Variants in TMEM74B observed in about 807,000 individuals in gnomAD.
TMEM74B encodes transmembrane protein 74B.
Under a neutral mutation model 6.5 loss-of-function variants are expected in TMEM74B, and 7 were observed. That is an observed-to-expected ratio of 1.07 (90% confidence interval 0.61 to 2.01). TMEM74B has a LOEUF of 2.01. TMEM74B is among the 30% of genes most tolerant of loss of function. The probability of loss-of-function intolerance (pLI) is 0.00; values close to 1 mark genes in which losing one functional copy is unlikely to be tolerated. For missense variants in TMEM74B, 342 were observed against 337.0 expected, an observed-to-expected ratio of 1.01 and a Z score of -0.12; for synonymous variants, 151 against 151.6, an observed-to-expected ratio of 1.00 and a Z score of 0.03.
upstream of TMEM74B, among the ~76,000 whole-genome samples, chr20:1,187,437 A>C (rs2087035743): frequency 6.6e-6 from 1 of 152,212 alleles, no homozygotes; most frequent in Admixed American, 6.5e-5. Context: ...ATTATATACT[A>C]GTTAGCTAGG....
At chr20:1,183,979 G>A in intron 1 of TMEM74B, 31 bp from the exon 2 acceptor site, 1 of 632,894 alleles carries the variant, frequency 1.6e-6, no homozygotes, top group Non-Finnish European at 2.7e-6. Flanking sequence ...AAAAAGAGAT[G>A]TGTTTGTTGG....
chr20:1,183,877 C>A lies in TMEM74B; in HGVS notation c.-76G>T, dbSNP rs916334046. ...TTTTATCCAGCTGTTTATCAGCAACCGTGAGCACCTTGAGAGCAGGCATAA... is the reference window on the plus strand; with the variant it reads ...TTTTATCCAGCTGTTTATCAGCAACAGTGAGCACCTTGAGAGCAGGCATAA... On this transcript the variant is annotated 5_prime_UTR_variant, in exon 2 of 3. Transcript: ENST00000429036. 4.5e-6 allele frequency: 7 copies of A among 1,571,664 alleles called. No individual in the cohort carries two copies. Among genetic ancestry groups the A allele is most frequent in the Middle Eastern group, 1.7e-4 (1 of 5,980 alleles).
At chr20:1,183,008 C>A (rs1372101894) in intron 2 of TMEM74B, among the ~76,000 whole-genome samples, 4 of 152,190 alleles carry the variant, frequency 2.6e-5, no homozygotes, top group Non-Finnish European at 2.9e-5. Flanking sequence ...GGCTCTTAGG[C>A]AGATCTAGCC....
At chr20:1,185,220 G>A (rs560786346), upstream of TMEM74B, 1 of 151,710 alleles carries the variant, frequency 6.6e-6, no homozygotes, top group South Asian at 2.1e-4. Context: ...GTCCTCTCCG[G>A]TGCCCGTCCG....
In TMEM74B at chr20:1,181,459, G is replaced by T. The variant is rs774492967; in HGVS notation, c.160C>A (p.Pro54Thr). The T allele has an allele frequency of 4.0e-6, 6 of 1,514,006 alleles. No homozygotes were observed. In the African/African-American group the frequency reaches 8.4e-5, roughly 21 times the overall value. 93.8% of individuals were successfully genotyped at this position (1,514,006 alleles called of 1,614,324 possible). The change falls in exon 3 of 3, where the codon CCA becomes ACA. Residue 54 changes from proline (P) to threonine (T), a missense_variant. Physicochemically the swap from Pro to Thr is conservative, Grantham distance 38. Coordinates refer to ENST00000429036, the MANE Select transcript of TMEM74B (RefSeq NM_001304748.2). The surrounding 1 kb of genome is among the most constrained non-coding windows in gnomAD (Gnocchi z 4.9). Reference sequence around the variant, plus strand: ...GCATTCTCCACACCCTCCCTGGTTGGGGCCACTGGGCCCAGGGGAGCTGAT... The same window carrying T: ...GCATTCTCCACACCCTCCCTGGTTGTGGCCACTGGGCCCAGGGGAGCTGAT... The part of the protein sequence containing the change: ...RRSAPLGPVA[P>T]TREGVENACF...
Position 1,181,058 on chromosome 20 carries a change from G to A in TMEM74B, c.561C>T (p.Gly187=), listed in dbSNP as rs780392857. Residue 187 remains glycine, a synonymous_variant, in exon 3 of 3, where the codon GGC becomes GGT. Coordinates refer to ENST00000429036, the MANE Select transcript of TMEM74B (RefSeq NM_001304748.2). This position sits in a 1 kb window ranked among gnomAD's most constrained non-coding sequence, Gnocchi z 4.9. The stretch of plus-strand genomic sequence containing the variant: ...TGAGCAGCACCGACAAGAGCATGCC[G>A]CCCACCGTGAGCAGCCCGAGGCCTG... ...IIAGLGLLTV[G]GMLLSVLLMV... 7 of 1,613,298 alleles carry A rather than the reference G, an allele frequency of 4.3e-6. No individual in the cohort carries two copies. The highest frequency in any genetic ancestry group is 1.7e-5 in the Admixed American group (1 of 59,970).
rs1568493619 is a variant in TMEM74B at position 1,181,217 on chromosome 20, A to G, written c.402T>C (p.Ile134=). ...TGGCGTATGCTGTCACCACCAGAAGAATCCCACTCACCAGGAAAACGAGGG... is the reference window on the plus strand; with the variant it reads ...TGGCGTATGCTGTCACCACCAGAAGGATCCCACTCACCAGGAAAACGAGGG... ...VSALVFLVSG[I]LLVVTAYAIP... Residue 134 remains isoleucine (I), a synonymous_variant, in exon 3 of 3, where the codon ATT becomes ATC. Transcript: ENST00000429036. The surrounding 1 kb of genome is among the most constrained non-coding windows in gnomAD (Gnocchi z 4.9). 1.2e-6 allele frequency: 2 copies of G among 1,614,086 alleles called. No individual in the cohort carries two copies. Among genetic ancestry groups the G allele is most frequent in the Admixed American group, 1.7e-5 (1 of 60,026 alleles).
In TMEM74B at chr20:1,181,060, C is replaced by G. The variant is rs545474901; in HGVS notation, c.559G>C (p.Gly187Arg). 14 of 1,613,498 alleles carry G rather than the reference C, an allele frequency of 8.7e-6. No homozygotes were observed. Among genetic ancestry groups the G allele is most frequent in the African/African-American group, 1.3e-5 (1 of 74,904 alleles). The stretch of plus-strand genomic sequence containing the variant: ...AGCAGCACCGACAAGAGCATGCCGC[C>G]CACCGTGAGCAGCCCGAGGCCTGCG... The part of the protein sequence containing the change: ...IIAGLGLLTV[G>R]GMLLSVLLMV... Residue 187 changes from glycine (G) to arginine (R), a missense_variant, in exon 3 of 3, where the codon GGC becomes CGC. Physicochemically the swap from Gly to Arg is moderately radical, Grantham distance 125. Coordinates refer to ENST00000429036, the MANE Select transcript of TMEM74B (RefSeq NM_001304748.2). The surrounding 1 kb of genome is among the most constrained non-coding windows in gnomAD (Gnocchi z 4.9).
chr20:1,186,835 G>C (rs566937964), upstream of TMEM74B, among the ~76,000 whole-genome samples: 5 of 152,260 alleles, frequency 3.3e-5, no homozygotes, highest in Non-Finnish European at 7.4e-5. Flanking sequence ...CCCGTTGTTA[G>C]AGACTTCAAA....
rs201827576 is a variant in TMEM74B at position 1,181,150 on chromosome 20, G to T, written c.469C>A (p.Arg157=). ...TACATCTCCAGTCGTTCCATCTCCC[G>T]CGCTGTCACTGTGTCCGGATTGACT... ...ARVNPDTVTA[R]EMERLEMYYA... The change falls in exon 3 of 3, where the codon CGG becomes AGG. Residue 157 remains arginine (R), a synonymous_variant. Coordinates refer to ENST00000429036, the MANE Select transcript of TMEM74B (RefSeq NM_001304748.2). The surrounding 1 kb of genome is among the most constrained non-coding windows in gnomAD (Gnocchi z 4.9). The T allele has an allele frequency of 2.5e-6, 4 of 1,614,118 alleles. No homozygotes were observed. The African/African-American group carries it at 4.0e-5, about 16-fold the overall frequency.
At chr20:1,188,813 G>T (rs2087047760), upstream of TMEM74B, among the ~76,000 whole-genome samples, 4 of 152,292 alleles carry the variant, frequency 2.6e-5, no homozygotes, top group South Asian at 8.3e-4. Flanking sequence ...AGTCCATACT[G>T]ATAAAAATAA....
At chr20:1,186,828 G>T (rs1369023820), upstream of TMEM74B, among the ~76,000 whole-genome samples, 1 of 152,130 alleles carries the variant, frequency 6.6e-6, no homozygotes, top group Admixed American at 6.5e-5. Flanking sequence ...GGCCTGGCCC[G>T]TTGTTAGAGA....
Position 1,181,636 on chromosome 20 carries a change from T to TGA in TMEM74B, c.32-50_32-49insTC. The stretch of plus-strand genomic sequence containing the variant: ...GTTGAATGTAGCAACCTCTCCCTGT[T>TGA]GTGGAGGACATCATACCAGTCCCTA... On this transcript the variant is annotated intron_variant, in intron 2 of 2. Coordinates refer to ENST00000429036, the MANE Select transcript of TMEM74B (RefSeq NM_001304748.2). The surrounding 1 kb of genome is among the most constrained non-coding windows in gnomAD (Gnocchi z 4.9). 1.4e-6 allele frequency: 2 copies of TGA among 1,441,576 alleles called. No homozygotes were observed. Among genetic ancestry groups the TGA allele is most frequent in the Non-Finnish European group, 1.8e-6 (2 of 1,104,932 alleles). 89.3% of individuals were successfully genotyped at this position (1,441,576 alleles called of 1,614,324 possible). A position where few individuals can be genotyped will look rare whatever the true frequency, so the allele number is the denominator to read the frequency against.
chr20:1,188,466 A>C (rs112066154), upstream of TMEM74B, among the ~76,000 whole-genome samples: 1 of 149,012 alleles, frequency 6.7e-6, no homozygotes, highest in Non-Finnish European at 1.5e-5. Context: ...CTCTACACAC[A>C]CTACACATAC....
Position 1,180,775 on chromosome 20 carries a change from G to T in TMEM74B, c.*73C>A. 1 of 1,511,102 alleles carries T rather than the reference G, an allele frequency of 6.6e-7. No individual in the cohort carries two copies. The allele number at this position is 1,511,102 out of a possible 1,614,324, so 93.6% of individuals were successfully genotyped here. On this transcript the variant is annotated 3_prime_UTR_variant, in exon 3 of 3. Coordinates refer to ENST00000429036, the MANE Select transcript of TMEM74B (RefSeq NM_001304748.2). This position sits in a 1 kb window ranked among gnomAD's most constrained non-coding sequence, Gnocchi z 6.1. ...TTAAAACCCCAGGGCCTTGGCAGGG[G>T]TCAGGTGGGCGGGAGCAGGGGGTGG...
At chr20:1,187,301 G>A (rs559358730), upstream of TMEM74B, among the ~76,000 whole-genome samples, 3 of 152,224 alleles carry the variant, frequency 2.0e-5, no homozygotes, top group African/African-American at 7.2e-5. Context: ...AAAAATAAGT[G>A]CCAAAAGAAG....
At position 1,181,438 on chromosome 20, in the gene TMEM74B, T is replaced by C; in HGVS notation, c.181A>G (p.Asn61Asp). The C allele has an allele frequency of 6.6e-7, 1 of 1,516,152 alleles. No individual in the cohort carries two copies. Among genetic ancestry groups the C allele is most frequent in the Admixed American group, 2.2e-5 (1 of 44,646 alleles). 93.9% of individuals were successfully genotyped at this position (1,516,152 alleles called of 1,614,324 possible). The part of the protein sequence containing the change: ...PVAPTREGVE[N>D]ACFSSEEHET... ...TGCTCCTCTGAGGAGAAGCAGGCAT[T>C]CTCCACACCCTCCCTGGTTGGGGCC... is the stretch of plus-strand genomic sequence containing the variant. Residue 61 changes from asparagine (N) to aspartate (D), a missense_variant, in exon 3 of 3, where the codon AAT becomes GAT. Transcript: ENST00000429036. The surrounding 1 kb of genome is among the most constrained non-coding windows in gnomAD (Gnocchi z 4.9).
At position 1,180,893 on chromosome 20, in the gene TMEM74B, T is replaced by C; in HGVS notation, c.726A>G (p.Glu242=). The C allele has an allele frequency of 6.2e-7, 1 of 1,610,808 alleles. No homozygotes were observed. Among genetic ancestry groups the C allele is most frequent in the Non-Finnish European group, 8.5e-7 (1 of 1,177,972 alleles). The change falls in exon 3 of 3, where the codon GAA becomes GAG. Residue 242 remains glutamate (E), a synonymous_variant. Coordinates refer to ENST00000429036, the MANE Select transcript of TMEM74B (RefSeq NM_001304748.2). This position sits in a 1 kb window ranked among gnomAD's most constrained non-coding sequence, Gnocchi z 6.1. ...GGCTAGTCTCTGAGACCTGGACAAC[T>C]TCATTCTCCACCAGGGCCTGGCCCC... The part of the protein sequence containing the change: ...GDGGQALVEN[E]VVQVSETSHT...
chr20:1,182,142 A>G (rs1318535847), intron 2 of TMEM74B, among the ~76,000 whole-genome samples: 2 of 124,946 alleles, frequency 1.6e-5, no homozygotes, highest in East Asian at 2.6e-4. Flanking sequence ...GACCCTGGCC[A>G]GTGCAATCCA....
Sources: gnomAD v4.1 joint callset for allele counts (sites outside exome capture counted in the v4.1 genomes callset) on GRCh38, gnomAD v4.1.1 for gene constraint, Gnocchi (gnomAD v3.1) non-coding constraint, MANE v1.5 for transcripts, NCBI Gene and HGNC (gene_info 2026-07-23, HGNC 2026-07-21) for gene names.